PLXNA4: variants seen among roughly 807,000 people sequenced by gnomAD.
The protein encoded by PLXNA4 is plexin-A4.
A neutral mutation model predicts 191.8 loss-of-function variants in PLXNA4; 44 were observed. That is an observed-to-expected ratio of 0.23 (90% CI 0.18 to 0.29). The LOEUF is 0.29. Among genes scored for constraint, PLXNA4 ranks in the 10% least tolerant of loss-of-function variants. The pLI, the probability that PLXNA4 is intolerant of heterozygous loss-of-function variation, is 1.00. For missense variants in PLXNA4, 1,800 were observed against 2,488.8 expected (o/e 0.72, Z 5.89); for synonymous variants, 1,082 against 1,009.5 (o/e 1.07, Z -1.36).
chr7:132,188,671 T>C (rs1009091122), intron 14 of PLXNA4, among the ~76,000 whole-genome samples: 1 of 151,988 alleles, frequency 6.6e-6, no homozygotes, highest in Non-Finnish European at 1.5e-5. Context: ...CCCTGTAACA[T>C]GGGCCAAGCC....
chr7:132,158,310 G>T (rs1795851458), intron 25 of PLXNA4, among the ~76,000 whole-genome samples: 1 of 152,198 alleles, frequency 6.6e-6, no homozygotes, highest in Non-Finnish European at 1.5e-5. Flanking sequence ...CTAGAAAATA[G>T]CATAGATGCC....
intron 2 of PLXNA4, among the ~76,000 whole-genome samples, chr7:132,505,843 C>T (rs138874474): frequency 6.6e-6 from 1 of 152,144 alleles, no homozygotes; most frequent in Non-Finnish European, 1.5e-5. Flanking sequence ...CAGTCCATAC[C>T]CCCGTAAGTT....
intron 3 of PLXNA4, among the ~76,000 whole-genome samples, chr7:132,432,867 A>G (rs1795319137): frequency 6.6e-6 from 1 of 152,194 alleles, no homozygotes; most frequent in South Asian, 2.1e-4. Flanking sequence ...CTAAACTCCT[A>G]GGCCTTTCGA....
rs975505646 is a variant in PLXNA4 at position 132,437,576 on chromosome 7, A to G, written c.1371+51716T>C. On this transcript the variant is annotated intron_variant, in intron 3 of 31. Coordinates refer to ENST00000321063, the MANE Select transcript of PLXNA4 (RefSeq NM_020911.2). ...GCATCTGAGGAAAAAAAAGAAAAAA[A>G]AAAAAAAAACAGAAAAAGCCACCAG... Among the ~76,000 whole-genome samples, 60 of 151,650 alleles carry G rather than the reference A, an allele frequency of 4.0e-4. 1 individual carries two copies. The highest frequency in any genetic ancestry group is 1.0e-4 in the Non-Finnish European group (7 of 67,904).
chr7:132,583,027 TG>T (rs947236794), intron 2 of PLXNA4, among the ~76,000 whole-genome samples: 2 of 152,200 alleles, frequency 1.3e-5, no homozygotes, highest in Non-Finnish European at 2.9e-5. Flanking sequence ...TGAAGAGGCT[TG>T]AAAGCATCCA....
chr7:132,303,944 G>T (rs763241567), intron 3 of PLXNA4, among the ~76,000 whole-genome samples: 5 of 152,174 alleles, frequency 3.3e-5, no homozygotes, highest in African/African-American at 1.2e-4. Flanking sequence ...AGCTCCAGGC[G>T]AGGCTAGTGG....
chr7:132,135,665 T>C (rs759678437), intron 30 of PLXNA4, among the ~76,000 whole-genome samples: 48 of 152,216 alleles, frequency 3.2e-4, no homozygotes, highest in East Asian at 5.8e-4. Context: ...TAGAAGTATA[T>C]ATGTGTGTGT....
At chr7:132,421,515 G>C (rs1794849765) in intron 3 of PLXNA4, among the ~76,000 whole-genome samples, 1 of 151,614 alleles carries the variant, frequency 6.6e-6, no homozygotes, top group Admixed American at 6.6e-5. Context: ...AACCGAGTGG[G>C]CTTTATTTAT....
chr7:132,446,118 C>T (rs1795903147), intron 3 of PLXNA4, among the ~76,000 whole-genome samples: 1 of 152,148 alleles, frequency 6.6e-6, no homozygotes, highest in Non-Finnish European at 1.5e-5. Context: ...GGTAGACTGA[C>T]CCCCAACCTC....
chr7:132,291,142 C>T (rs939113692), intron 4 of PLXNA4, among the ~76,000 whole-genome samples: 2 of 152,112 alleles, frequency 1.3e-5, no homozygotes, highest in African/African-American at 4.8e-5. Flanking sequence ...CGTCCGGTGT[C>T]CTCAAAAACA....
At chr7:132,453,009 G>A (rs140224117) in intron 3 of PLXNA4, among the ~76,000 whole-genome samples, 1 of 152,134 alleles carries the variant, frequency 6.6e-6, no homozygotes, top group African/African-American at 2.4e-5. Context: ...CCTAATTGGG[G>A]TCACTGCAGG....
intron 9 of PLXNA4, among the ~76,000 whole-genome samples, chr7:132,214,700 C>G (rs929486594): frequency 6.6e-6 from 1 of 152,140 alleles, no homozygotes; most frequent in African/African-American, 2.4e-5. Context: ...TTTCATGGCC[C>G]AGGGACTCAG....
intron 2 of PLXNA4, among the ~76,000 whole-genome samples, chr7:132,645,075 A>C (rs922303456): frequency 5.3e-5 from 8 of 152,200 alleles, no homozygotes. Flanking sequence ...TGCAGAGCTG[A>C]GTGTGGGCCA....
intron 3 of PLXNA4, among the ~76,000 whole-genome samples, chr7:132,475,854 G>T (rs1797106865): frequency 6.6e-6 from 1 of 152,156 alleles, no homozygotes; most frequent in South Asian, 2.1e-4. Context: ...CAATGGTCAG[G>T]GCATTTGACA....
upstream of PLXNA4, chr7:132,577,237 G>A (rs962798176): frequency 5.3e-5 from 8 of 151,098 alleles, no homozygotes; most frequent in African/African-American, 1.9e-4. Context: ...GGGGCAGGGA[G>A]CGGGGCCGCC....
chr7:132,264,767 G>A (rs887173067), intron 4 of PLXNA4, among the ~76,000 whole-genome samples: 20 of 149,474 alleles, frequency 1.3e-4, no homozygotes, highest in Admixed American at 6.0e-4. Context: ...GCGCCATCTC[G>A]GCTCACTGCA....
intron 10 of PLXNA4, among the ~76,000 whole-genome samples, chr7:132,207,275 G>A (rs1178036063): frequency 3.9e-5 from 6 of 152,198 alleles, no homozygotes; most frequent in Non-Finnish European, 5.9e-5. Context: ...TGTTTTGCAC[G>A]TGGTAAATGA....
At chr7:132,572,196 C>T (rs1011221066) in intron 1 of PLXNA4, among the ~76,000 whole-genome samples, 1 of 152,180 alleles carries the variant, frequency 6.6e-6, no homozygotes, top group African/African-American at 2.4e-5. Flanking sequence ...AGACTTGGCT[C>T]CATCACTAAG....
chr7:132,574,936 A>C (rs1195358624), intron 1 of PLXNA4, among the ~76,000 whole-genome samples: 1 of 152,178 alleles, frequency 6.6e-6, no homozygotes, highest in Non-Finnish European at 1.5e-5. Context: ...AAGGCTCCTA[A>C]CATATTTTTT....
Sources: allele counts gnomAD v4.1 joint callset (sites outside exome capture counted in the v4.1 genomes callset), GRCh38; gene constraint gnomAD v4.1.1; transcripts MANE v1.5; gene names NCBI Gene and HGNC (gene_info 2026-07-23, HGNC 2026-07-21).